The following GPC5 variants were observed in gnomAD, a reference collection of about 807,000 sequenced individuals.
The protein encoded by GPC5 is glypican 5.
In GPC5, 47 loss-of-function variants were observed where a neutral mutation model predicts 53.9. The observed-to-expected ratio is 0.87, with a 90% CI of 0.69 to 1.11. The LOEUF (loss-of-function observed/expected upper bound fraction) is 1.11, where lower values mean the gene tolerates loss of function less well. GPC5 is among the 50% of genes most tolerant of loss of function. The pLI is 0.00. For synonymous variants in GPC5, 286 were observed against 263.3 expected, an observed-to-expected ratio of 1.09 and a Z score of -0.84; for missense variants, 748 against 713.1, an observed-to-expected ratio of 1.05 and a Z score of -0.56.
intron 2 of GPC5, among the ~76,000 whole-genome samples, chr13:91,641,989 G>C (rs1199462450): frequency 6.6e-6 from 1 of 152,204 alleles, no homozygotes; most frequent in Non-Finnish European, 1.5e-5. Context: ...AAATGCAAAG[G>C]AATTACATGT....
chr13:91,473,690 A>T (rs377669385), intron 2 of GPC5, among the ~76,000 whole-genome samples: 3 of 152,184 alleles, frequency 2.0e-5, no homozygotes, highest in South Asian at 2.1e-4. Context: ...AGAAGCTTAA[A>T]CAGGCAGTTC....
chr13:92,213,422 G>A (rs956731655), intron 7 of GPC5, among the ~76,000 whole-genome samples: 4 of 152,016 alleles, frequency 2.6e-5, no homozygotes, highest in Non-Finnish European at 5.9e-5. Flanking sequence ...AAATTTTTAT[G>A]TTTTCTGTCT....
chr13:92,122,761 T>C (rs1459878905), intron 6 of GPC5, among the ~76,000 whole-genome samples: 10 of 149,308 alleles, frequency 6.7e-5, no homozygotes, highest in African/African-American at 2.2e-4. Context: ...TTTTTTTTTT[T>C]TTTTTTAACA....
intron 6 of GPC5, among the ~76,000 whole-genome samples, chr13:91,935,551 A>T (rs1273617365): frequency 6.6e-6 from 1 of 151,834 alleles, no homozygotes; most frequent in Non-Finnish European, 1.5e-5. Flanking sequence ...AAGAAATGAT[A>T]TTTTTTGTGG....
At chr13:92,665,941 G>C (rs1242993309) in intron 7 of GPC5, among the ~76,000 whole-genome samples, 3 of 152,142 alleles carry the variant, frequency 2.0e-5, no homozygotes, top group Admixed American at 6.5e-5. Flanking sequence ...TGATTAGTTT[G>C]TTGTTATAAA....
At chr13:92,332,985 T>C (rs746701048) in intron 7 of GPC5, among the ~76,000 whole-genome samples, 7 of 152,196 alleles carry the variant, frequency 4.6e-5, no homozygotes, top group Non-Finnish European at 1.0e-4. Context: ...ACAGTTGTCT[T>C]CACTGTTTTG....
At chr13:92,509,745 G>T (rs979937282) in intron 7 of GPC5, 1 of 152,006 alleles carries the variant, frequency 6.6e-6, no homozygotes, top group Admixed American at 6.6e-5. Flanking sequence ...AACAAACAAC[G>T]GCATACTCAC....
intron 7 of GPC5, among the ~76,000 whole-genome samples, chr13:92,311,885 G>C (rs1037967723): frequency 2.6e-5 from 4 of 152,106 alleles, no homozygotes; most frequent in African/African-American, 9.7e-5. Context: ...GAATGAAAAT[G>C]GCGTAAGGTG....
chr13:92,582,264 G>T (rs1210676708), intron 7 of GPC5, among the ~76,000 whole-genome samples: 1 of 151,948 alleles, frequency 6.6e-6, no homozygotes. Flanking sequence ...TCTGTATGTG[G>T]TTATCCAGTT....
chr13:91,567,907 T>C (rs1482389263), intron 2 of GPC5, among the ~76,000 whole-genome samples: 1 of 152,168 alleles, frequency 6.6e-6, no homozygotes, highest in East Asian at 1.9e-4. Context: ...TAATCCCCAC[T>C]TGTGGAGGGA....
chr13:92,704,737 T>G (rs528849461), intron 7 of GPC5, among the ~76,000 whole-genome samples: 1 of 151,800 alleles, frequency 6.6e-6, no homozygotes, highest in African/African-American at 2.4e-5. Context: ...ATCGGGCATA[T>G]GCAGATAATA....
At chr13:92,612,712 A>G (rs1459538588) in intron 7 of GPC5, among the ~76,000 whole-genome samples, 1 of 152,068 alleles carries the variant, frequency 6.6e-6, no homozygotes, top group Non-Finnish European at 1.5e-5. Context: ...TCCCAACAGA[A>G]TTCACCTTTC....
intron 7 of GPC5, among the ~76,000 whole-genome samples, chr13:92,353,240 C>T (rs2043494559): frequency 7.7e-6 from 1 of 129,856 alleles, no homozygotes; most frequent in Non-Finnish European, 1.6e-5. Flanking sequence ...GCAGTCTGGC[C>T]TGGGCGACAG....
At chr13:91,472,744 T>A (rs554285634) in intron 2 of GPC5, among the ~76,000 whole-genome samples, 4 of 152,304 alleles carry the variant, frequency 2.6e-5, no homozygotes, top group Non-Finnish European at 5.9e-5. Context: ...GTAACAGAAC[T>A]GAAACAGTTT....
At chr13:92,313,880 C>T (rs2043161476) in intron 7 of GPC5, among the ~76,000 whole-genome samples, 2 of 152,136 alleles carry the variant, frequency 1.3e-5, no homozygotes, top group African/African-American at 4.8e-5. Context: ...TATTTTCACA[C>T]AAGAGTGAAG....
intron 2 of GPC5, among the ~76,000 whole-genome samples, chr13:91,522,304 C>G (rs1379789456): frequency 6.6e-6 from 1 of 152,086 alleles, no homozygotes; most frequent in African/African-American, 2.4e-5. Context: ...CCTGAAGCCC[C>G]CTATGGGCTT....
At chr13:92,284,541 C>T (rs960190071) in intron 7 of GPC5, among the ~76,000 whole-genome samples, 3 of 152,168 alleles carry the variant, frequency 2.0e-5, no homozygotes, top group African/African-American at 7.2e-5. Context: ...AGCTTATCCA[C>T]CATGATCAAG....
chr13:92,759,002 T>TTTTTG (rs1875038269), intron 7 of GPC5, among the ~76,000 whole-genome samples: 1 of 145,466 alleles, frequency 6.9e-6, no homozygotes, highest in African/African-American at 2.6e-5. Context: ...CGGTTTTTTT[T>TTTTTG]TTTTTTTTTT....
chr13:91,859,660 C>T (rs1465680621), intron 5 of GPC5, among the ~76,000 whole-genome samples: 1 of 151,928 alleles, frequency 6.6e-6, no homozygotes, highest in African/African-American at 2.4e-5. Flanking sequence ...CTTAGTCTTA[C>T]TAGTATGTAA....
Sources: gnomAD v4.1 joint callset for allele counts (sites outside exome capture counted in the v4.1 genomes callset) on GRCh38, gnomAD v4.1.1 for gene constraint, MANE v1.5 for transcripts, NCBI Gene and HGNC (gene_info 2026-07-23, HGNC 2026-07-21) for gene names.